Variants in UNC13C observed in about 807,000 individuals in gnomAD.
UNC13C encodes the protein protein unc-13 homolog C.
In UNC13C, 174 loss-of-function variants were observed where a neutral mutation model predicts 245.4. The ratio of observed to expected loss-of-function variants is 0.71; its 90% CI spans 0.63 to 0.80. The LOEUF (loss-of-function observed/expected upper bound fraction) is 0.80. Among genes scored for constraint, UNC13C ranks in the 30% least tolerant of loss-of-function variants. The probability of loss-of-function intolerance (pLI) is 0.00; values close to 1 mark genes in which losing one functional copy is unlikely to be tolerated. For synonymous variants in UNC13C, 992 were observed against 895.1 expected (o/e 1.11, Z -1.93); for missense variants, 2,829 against 2,602.9 (o/e 1.09, Z -1.89).
chr15:54,085,007 T>G (rs1899156402), intron 2 of UNC13C, among the ~76,000 whole-genome samples: 1 of 152,214 alleles, frequency 6.6e-6, no homozygotes, highest in South Asian at 2.1e-4. Context: ...TATAAAAATT[T>G]ATTTTTATAG....
intron 23 of UNC13C, among the ~76,000 whole-genome samples, chr15:54,507,926 C>CAAA (rs1486314889): frequency 6.6e-6 from 1 of 151,450 alleles, no homozygotes; most frequent in Non-Finnish European, 1.5e-5. Flanking sequence ...TTTCCCCCTC[C>CAAA]AAAAATCAGT....
intron 17 of UNC13C, among the ~76,000 whole-genome samples, chr15:54,359,991 C>T (rs1022392782): frequency 3.3e-5 from 5 of 151,750 alleles, no homozygotes; most frequent in Non-Finnish European, 7.4e-5. Flanking sequence ...TGTGCTGTAT[C>T]TCATAGGTTT....
chr15:54,159,461 A>G (rs2032886064), intron 4 of UNC13C, among the ~76,000 whole-genome samples: 2 of 152,244 alleles, frequency 1.3e-5, no homozygotes, highest in African/African-American at 4.8e-5. Flanking sequence ...TTTTGATTAG[A>G]GGATGCAGAT....
intron 2 of UNC13C, among the ~76,000 whole-genome samples, chr15:54,066,487 G>T (rs1199315189): frequency 6.6e-6 from 1 of 152,068 alleles, no homozygotes; most frequent in Non-Finnish European, 1.5e-5. Context: ...AATATCATCT[G>T]TGCACTTATG....
intron 4 of UNC13C, among the ~76,000 whole-genome samples, chr15:54,144,331 G>GT (rs35843960): frequency 1.3e-4 from 19 of 148,674 alleles, no homozygotes; most frequent in African/African-American, 4.7e-4. Flanking sequence ...TTGCATCGTG[G>GT]TTTTTTTTTT....
intron 2 of UNC13C, among the ~76,000 whole-genome samples, chr15:54,138,040 T>C (rs1057088501): frequency 6.6e-6 from 1 of 152,156 alleles, no homozygotes; most frequent in Non-Finnish European, 1.5e-5. Context: ...TCTCTAAATA[T>C]TTATTAATTT....
intron 2 of UNC13C, among the ~76,000 whole-genome samples, chr15:54,070,099 A>C (rs887212947): frequency 6.6e-6 from 1 of 152,230 alleles, no homozygotes. Context: ...CGAAGCCCCT[A>C]CTGGGGCGAT....
chr15:54,562,728 A>G (rs1042427615), intron 29 of UNC13C, among the ~76,000 whole-genome samples: 1 of 152,028 alleles, frequency 6.6e-6, no homozygotes, highest in Non-Finnish European at 1.5e-5. Context: ...GAAAACTATC[A>G]TGCCATCCTA....
intron 2 of UNC13C, among the ~76,000 whole-genome samples, chr15:54,079,471 A>G (rs774087068): frequency 6.6e-5 from 10 of 151,930 alleles, no homozygotes; most frequent in Non-Finnish European, 1.3e-4. Context: ...ACTTGTTTGT[A>G]TCACTTATGA....
chr15:54,327,390 A>T (rs549447593), intron 14 of UNC13C, among the ~76,000 whole-genome samples: 58 of 148,626 alleles, frequency 3.9e-4, no homozygotes, highest in African/African-American at 1.4e-3. Flanking sequence ...TATTTTTATA[A>T]TTTTTTTTTT....
chr15:54,517,886 A>G (rs559843091), intron 24 of UNC13C, among the ~76,000 whole-genome samples: 1 of 152,324 alleles, frequency 6.6e-6, no homozygotes, highest in South Asian at 2.1e-4. Context: ...GTTATAACTT[A>G]TCCTGCAACA....
chr15:54,300,993 T>TACTTAC, intron 13 of UNC13C, among the ~76,000 whole-genome samples: 1 of 152,222 alleles, frequency 6.6e-6, no homozygotes, highest in East Asian at 1.9e-4. Flanking sequence ...TAACTTATTA[T>TACTTAC]AATTTCAGTG....
At chr15:54,130,837 C>A (rs2031373964) in intron 2 of UNC13C, among the ~76,000 whole-genome samples, 1 of 152,078 alleles carries the variant, frequency 6.6e-6, no homozygotes, top group African/African-American at 2.4e-5. Flanking sequence ...TGGTTTTATT[C>A]AAATAGTTCT....
chr15:54,511,746 T>C lies in UNC13C; in HGVS notation c.5380-7T>C. 1 of 1,592,756 alleles carries C rather than the reference T, an allele frequency of 6.3e-7. No individual in the cohort carries two copies. Among genetic ancestry groups the C allele is most frequent in the Non-Finnish European group, 8.6e-7 (1 of 1,168,700 alleles). On this transcript the variant is annotated splice_region_variant and splice_polypyrimidine_tract_variant and intron_variant, in intron 23 of 32. Transcript: ENST00000260323. ...GCTCATAATAGTCTTTTTTTCTATA[T>C]TTAAAGCCCTGTATCTTGATGAACA...
intron 10 of UNC13C, among the ~76,000 whole-genome samples, chr15:54,278,221 T>C (rs2140911184): frequency 6.6e-6 from 1 of 152,258 alleles, no homozygotes; most frequent in South Asian, 2.1e-4. Flanking sequence ...TTACCCTTTT[T>C]CTTTATCAGC....
At chr15:54,587,557 G>C (rs960174486) in intron 30 of UNC13C, among the ~76,000 whole-genome samples, 4 of 152,148 alleles carry the variant, frequency 2.6e-5, no homozygotes, top group African/African-American at 7.2e-5. Flanking sequence ...AGGAGTTTGG[G>C]ACCAGCCTTC....
intron 8 of UNC13C, among the ~76,000 whole-genome samples, chr15:54,263,809 A>C (rs763553096): frequency 2.0e-5 from 3 of 152,118 alleles, no homozygotes; most frequent in Non-Finnish European, 4.4e-5. Context: ...TTGGATACCC[A>C]TTGAAGAAAT....
At chr15:53,980,151 T>G (rs1893869218) in intron 1 of UNC13C, among the ~76,000 whole-genome samples, 1 of 152,162 alleles carries the variant, frequency 6.6e-6, no homozygotes, top group South Asian at 2.1e-4. Flanking sequence ...ATGCATACTG[T>G]AAAGTAAATC....
intron 2 of UNC13C, among the ~76,000 whole-genome samples, chr15:54,102,668 T>C (rs1040683269): frequency 6.6e-6 from 1 of 152,244 alleles, no homozygotes; most frequent in Non-Finnish European, 1.5e-5. Context: ...AAAAAGCATA[T>C]TCTTTTAAAT....
Sources: gnomAD v4.1 joint callset for allele counts (sites outside exome capture counted in the v4.1 genomes callset) on GRCh38, gnomAD v4.1.1 for gene constraint, MANE v1.5 for transcripts, NCBI Gene and HGNC (gene_info 2026-07-23, HGNC 2026-07-21) for gene names.